Variants in APLP2 observed in about 807,000 individuals in gnomAD.
APLP2 encodes the protein amyloid beta precursor like protein 2.
APLP2 carries 53 observed loss-of-function variants against 89.9 expected under a neutral mutation model. That is an observed-to-expected ratio of 0.59 (90% CI 0.47 to 0.74). The LOEUF (loss-of-function observed/expected upper bound fraction) is 0.74, where lower values mean the gene tolerates loss of function less well. Ranked by LOEUF, APLP2 falls within the 30% of genes least tolerant of loss-of-function variation. APLP2 has a pLI of 0.00. For missense variants in APLP2, 973 were observed against 975.9 expected, an observed-to-expected ratio of 1.00 and a Z score of 0.04; for synonymous variants, 372 against 348.6, an observed-to-expected ratio of 1.07 and a Z score of -0.75.
chr11:130,072,585 T>C (rs1941327614), intron 1 of APLP2, among the ~76,000 whole-genome samples: 2 of 150,726 alleles, frequency 1.3e-5, no homozygotes, highest in Admixed American at 1.3e-4. Context: ...CAAGCGATTC[T>C]CCTGCCTCAG....
intron 10 of APLP2, 59 bp from the exon 11 acceptor site, chr11:130,129,979 T>C (rs1591837283): frequency 1.9e-6 from 3 of 1,575,176 alleles, no homozygotes; most frequent in Non-Finnish European, 2.6e-6. Flanking sequence ...GCTTTTGTTT[T>C]CCTGCCTATT....
chr11:130,084,287 ATAT>A (rs138836494), intron 1 of APLP2, among the ~76,000 whole-genome samples: 7,691 of 152,036 alleles, frequency 0.051, 514 homozygotes, highest in East Asian at 0.24. Flanking sequence ...TGAGGGTATC[ATAT>A]TATTTTTGTC....
intron 3 of APLP2, among the ~76,000 whole-genome samples, chr11:130,111,905 G>C (rs994155341): frequency 3.9e-5 from 6 of 152,164 alleles, no homozygotes; most frequent in African/African-American, 9.7e-5. Flanking sequence ...GCTTGAAATC[G>C]TTCCTTCTGC....
rs985747602 is a variant in APLP2, at chr11:130,142,026, G to A, written c.2106G>A (p.Val702=). ...CCACGGTCATCGTCATCAGCCTGGT[G>A]ATGCTGAGGAAGAGGCAGTATGGCA... The part of the protein sequence containing the change: ...AIATVIVISL[V]MLRKRQYGTI... Residue 702 remains valine (V), a synonymous_variant, in exon 16 of 17, where the codon GTG becomes GTA. Coordinates refer to ENST00000338167, the MANE Select transcript of APLP2 (RefSeq NM_001142276.2). 1 of 1,613,912 alleles carries A rather than the reference G, an allele frequency of 6.2e-7. No individual in the cohort carries two copies. Among genetic ancestry groups the A allele is most frequent in the African/African-American group, 1.3e-5 (1 of 75,040 alleles).
chr11:130,088,402 T>A (rs1256907230), intron 1 of APLP2, among the ~76,000 whole-genome samples: 2 of 152,166 alleles, frequency 1.3e-5, no homozygotes. Flanking sequence ...TGGGAAAATC[T>A]CTGACTTCAT....
In APLP2 at chr11:130,142,097, G is replaced by C. The variant is rs559022385; in HGVS notation, c.2154+23G>C. 3.1e-6 allele frequency: 5 copies of C among 1,603,356 alleles called. No individual in the cohort carries two copies. In the African/African-American group the frequency reaches 6.7e-5, roughly 21 times the overall value. On this transcript the variant is annotated intron_variant, in intron 16 of 16. Coordinates refer to ENST00000338167, the MANE Select transcript of APLP2 (RefSeq NM_001142276.2). Reference sequence around the variant, plus strand: ...GAGGTGAGGAGCTGGGCTGCTGAGGGCCTGCTCTGCACTGTGGGCTGGGTT... The same window carrying C: ...GAGGTGAGGAGCTGGGCTGCTGAGGCCCTGCTCTGCACTGTGGGCTGGGTT...
At chr11:130,076,924 C>T (rs1942243162) in intron 1 of APLP2, among the ~76,000 whole-genome samples, 1 of 152,230 alleles carries the variant, frequency 6.6e-6, no homozygotes, top group South Asian at 2.1e-4. Flanking sequence ...GCTTTGACTT[C>T]TCAGGGCCTG....
At chr11:130,113,328 G>A (rs7120310) in intron 3 of APLP2, among the ~76,000 whole-genome samples, 32,987 of 152,088 alleles carry the variant, frequency 0.22, 4,899 homozygotes, top group East Asian at 0.43. Flanking sequence ...ACAGAACCAA[G>A]CAATAGTATT....
At chr11:130,071,029 C>G (rs952320466) in intron 1 of APLP2, among the ~76,000 whole-genome samples, 2 of 152,254 alleles carry the variant, frequency 1.3e-5, no homozygotes, top group African/African-American at 4.8e-5. Context: ...CGAGCTTGAT[C>G]TTTACTTCCC....
At chr11:130,103,568 G>A (rs1034098257) in intron 1 of APLP2, among the ~76,000 whole-genome samples, 34 of 152,120 alleles carry the variant, frequency 2.2e-4, no homozygotes, top group Admixed American at 2.2e-3. Context: ...CTTAGTGGTT[G>A]ACCCATAAAC....
intron 6 of APLP2, 152 bp downstream of exon 6, chr11:130,122,665 G>A: frequency 7.3e-7 from 1 of 1,367,524 alleles, no homozygotes. Context: ...TGCAGTGATG[G>A]GATGGTGCCG....
At chr11:130,070,238 C>A (rs1039040964) in intron 1 of APLP2, among the ~76,000 whole-genome samples, 156 bp downstream of exon 1, 7 of 150,838 alleles carry the variant, frequency 4.6e-5, no homozygotes, top group Admixed American at 1.3e-4. Context: ...CCCGCCCGTC[C>A]CTGCTTGGCG....
chr11:130,083,026 C>CTTTTTTTTTTTTTTTTTTTTTTTTT lies in APLP2; in HGVS notation c.105+12947_105+12971dup, dbSNP rs553962550. ...TATTAACCACTGAAACTTTTCTTTT[C>CTTTTTTTTTTTTTTTTTTTTTTTTT]TTTTTTTTTTTTTTTTTTTTTTTTT... On this transcript the variant is annotated intron_variant, in intron 1 of 16. Transcript: ENST00000338167. 3.3e-4 allele frequency among the ~76,000 whole-genome samples: 24 copies of CTTTTTTTTTTTTTTTTTTTTTTTTT among 72,524 alleles called. 2 individuals are homozygous for CTTTTTTTTTTTTTTTTTTTTTTTTT. Among genetic ancestry groups the CTTTTTTTTTTTTTTTTTTTTTTTTT allele is most frequent in the African/African-American group, 1.3e-3 (21 of 15,894 alleles). 47.6% of individuals were successfully genotyped at this position (72,524 alleles called of 152,430 possible). A position where few individuals can be genotyped will look rare whatever the true frequency, so the allele number is the denominator to read the frequency against.
Position 130,126,743 on chromosome 11 carries a change from C to G in APLP2, c.1134C>G (p.Phe378Leu). 6.2e-7 allele frequency: 1 copy of G among 1,614,164 alleles called. No homozygotes were observed. Among genetic ancestry groups the G allele is most frequent in the South Asian group, 1.1e-5 (1 of 91,084 alleles). The part of the protein sequence containing the change: ...PLPTNDVDVY[F>L]ETSADDNEHA... ...CAACCAATGATGTTGATGTGTATTT[C>G]GAGACCTCTGCAGATGATAATGAGC... Residue 378 changes from phenylalanine (F) to leucine (L), a missense_variant, in exon 8 of 17, where the codon TTC becomes TTG. By Grantham distance (22) the Phe-to-Leu change is conservative. Coordinates refer to ENST00000338167, the MANE Select transcript of APLP2 (RefSeq NM_001142276.2).
chr11:130,074,948 G>T (rs1302562746), intron 1 of APLP2, among the ~76,000 whole-genome samples: 1 of 152,074 alleles, frequency 6.6e-6, no homozygotes, highest in Non-Finnish European at 1.5e-5. Context: ...AATTTTCATG[G>T]GTTGATTTTT....
chr11:130,092,733 G>T (rs1471497987), intron 1 of APLP2, among the ~76,000 whole-genome samples: 2 of 150,958 alleles, frequency 1.3e-5, no homozygotes, highest in African/African-American at 4.9e-5. Flanking sequence ...GGGAGAGGGA[G>T]CTCTGTCTTG....
At chr11:130,128,988 C>G in intron 9 of APLP2, 60 bp from the exon 10 acceptor site, 1 of 1,561,792 alleles carries the variant, frequency 6.4e-7, no homozygotes, top group Non-Finnish European at 8.7e-7. Flanking sequence ...TCTCAGGGTG[C>G]TTGCTTAGGC....
intron 1 of APLP2, among the ~76,000 whole-genome samples, chr11:130,073,701 C>A (rs536664626): frequency 1.3e-5 from 2 of 151,958 alleles, no homozygotes; most frequent in African/African-American, 4.8e-5. Flanking sequence ...ATTAGCTGGG[C>A]GAGATGGCGT....
At chr11:130,098,262 G>A (rs750180640) in intron 1 of APLP2, among the ~76,000 whole-genome samples, 77 of 152,178 alleles carry the variant, frequency 5.1e-4, no homozygotes, top group Non-Finnish European at 7.9e-4. Flanking sequence ...AAAATTAGCC[G>A]GGTGTGGTGG....
Sources: gnomAD v4.1 joint callset for allele counts (sites outside exome capture counted in the v4.1 genomes callset) on GRCh38, gnomAD v4.1.1 for gene constraint, MANE v1.5 for transcripts, NCBI Gene and HGNC (gene_info 2026-07-23, HGNC 2026-07-21) for gene names.